The following ADGRB3 variants were observed in gnomAD, a reference collection of about 807,000 sequenced individuals.
ADGRB3 encodes adhesion G protein-coupled receptor B3, also known as brain-specific angiogenesis inhibitor 3.
A neutral mutation model predicts 193.4 loss-of-function variants in ADGRB3; 37 were observed. The ratio of observed to expected loss-of-function variants is 0.19; its 90% CI spans 0.15 to 0.25. ADGRB3 has a LOEUF of 0.25. Among genes scored for constraint, ADGRB3 ranks in the 10% least tolerant of loss-of-function variants. The pLI is 1.00. For synonymous variants in ADGRB3, 690 were observed against 644.2 expected, an observed-to-expected ratio of 1.07 and a Z score of -1.08; for missense variants, 1,637 against 1,852.9, an observed-to-expected ratio of 0.88 and a Z score of 2.14.
At position 69,239,129 on chromosome 6, in the gene ADGRB3, T is replaced by C; in HGVS notation, c.2717T>C (p.Ile906Thr). Residue 906 changes from isoleucine to threonine, a missense_variant, in exon 20 of 32, where the codon ATA becomes ACA. Ile to Thr is a moderately conservative substitution (Grantham distance 89, BLOSUM62 -1). Around this residue, in one of 7 missense-constraint regions of ADGRB3, gnomAD observed 641 missense variants for 673.9 expected, o/e 0.95. Transcript: ENST00000370598. The stretch of plus-strand genomic sequence containing the variant: ...ACTTTTCTCTCTCTGGCTAGGTACA[T>C]ACGCTCTGAGAGATCCATAATACTA... Reference protein sequence around the residue: ...AVVYAALWRYIRSERSIILIN... With the variant: ...AVVYAALWRYTRSERSIILIN... 6.3e-7 allele frequency: 1 copy of C among 1,582,572 alleles called. No individual in the cohort carries two copies. Among genetic ancestry groups the C allele is most frequent in the Non-Finnish European group, 8.7e-7 (1 of 1,153,040 alleles).
intron 3 of ADGRB3, among the ~76,000 whole-genome samples, chr6:68,786,396 T>C (rs1328959719): frequency 6.6e-6 from 1 of 152,132 alleles, no homozygotes. Flanking sequence ...CCCAGCACCA[T>C]TTATTAAATA....
intron 3 of ADGRB3, among the ~76,000 whole-genome samples, chr6:68,648,725 C>A (rs561499209): frequency 1.6e-4 from 24 of 148,926 alleles, no homozygotes; most frequent in African/African-American, 4.7e-4. Flanking sequence ...GAGTAGTACA[C>A]AATATTCATT....
chr6:68,856,061 C>A (rs1284334690), intron 3 of ADGRB3, among the ~76,000 whole-genome samples: 2 of 152,158 alleles, frequency 1.3e-5, no homozygotes, highest in Admixed American at 1.3e-4. Context: ...CCTGCATAAG[C>A]TTTCTTCACC....
chr6:68,983,896 C>A (rs12529646), intron 10 of ADGRB3, among the ~76,000 whole-genome samples: 13,146 of 152,054 alleles, frequency 0.086, 711 homozygotes, highest in Non-Finnish European at 0.13. Flanking sequence ...AATACTGTGA[C>A]CTGAAAGATG....
chr6:69,008,789 A>G (rs971030800), intron 11 of ADGRB3, among the ~76,000 whole-genome samples: 8 of 152,126 alleles, frequency 5.3e-5, no homozygotes, highest in Non-Finnish European at 1.0e-4. Context: ...CAACTTCTCA[A>G]AAGTATGTAT....
At chr6:69,244,851 G>A (rs530818943) in intron 20 of ADGRB3, among the ~76,000 whole-genome samples, 2 of 152,002 alleles carry the variant, frequency 1.3e-5, no homozygotes, top group African/African-American at 4.8e-5. Context: ...AACCCAGAGA[G>A]TGGTATGTTT....
chr6:68,949,687 T>C (rs1233903930), intron 6 of ADGRB3, among the ~76,000 whole-genome samples: 2 of 152,212 alleles, frequency 1.3e-5, no homozygotes, highest in African/African-American at 2.4e-5. Context: ...ACCTGTTCTT[T>C]AATTGATATG....
At chr6:69,150,599 C>T (rs1774645623) in intron 17 of ADGRB3, among the ~76,000 whole-genome samples, 1 of 152,186 alleles carries the variant, frequency 6.6e-6, no homozygotes, top group South Asian at 2.1e-4. Flanking sequence ...TGGTGCTCTG[C>T]CCAATTGTGG....
At chr6:69,232,444 A>G in intron 17 of ADGRB3, 1 of 1,498,438 alleles carries the variant, frequency 6.7e-7, no homozygotes, top group South Asian at 1.3e-5. Context: ...CCAAAGAGAA[A>G]ATTGAACCAG....
intron 17 of ADGRB3, among the ~76,000 whole-genome samples, chr6:69,184,618 T>A (rs1317967279): frequency 1.3e-5 from 2 of 152,074 alleles, no homozygotes; most frequent in Non-Finnish European, 2.9e-5. Flanking sequence ...ATTGCCCTAC[T>A]GGAGAAATTG....
chr6:68,652,526 C>T (rs899950298), intron 3 of ADGRB3, among the ~76,000 whole-genome samples: 6 of 152,196 alleles, frequency 3.9e-5, no homozygotes, highest in African/African-American at 1.4e-4. Context: ...CCACCCTGGG[C>T]TCCCAAACAA....
At chr6:69,374,520 C>T (rs148410772) in intron 30 of ADGRB3, among the ~76,000 whole-genome samples, 81 of 152,174 alleles carry the variant, frequency 5.3e-4, no homozygotes, top group Non-Finnish European at 8.7e-4. Context: ...TTAAGGCTAA[C>T]ACACTCCCCA....
intron 17 of ADGRB3, among the ~76,000 whole-genome samples, chr6:69,097,469 A>G (rs1438356346): frequency 6.6e-6 from 1 of 152,184 alleles, no homozygotes; most frequent in East Asian, 1.9e-4. Flanking sequence ...CTGGGTACAA[A>G]TGCAATATAT....
At chr6:68,956,398 A>G (rs1334415185) in intron 7 of ADGRB3, among the ~76,000 whole-genome samples, 1 of 152,136 alleles carries the variant, frequency 6.6e-6, no homozygotes, top group Non-Finnish European at 1.5e-5. Context: ...TAATAAAGTA[A>G]TAAAATTCAG....
At chr6:69,102,177 C>CAAA (rs777752874) in intron 17 of ADGRB3, among the ~76,000 whole-genome samples, 6 of 91,058 alleles carry the variant, frequency 6.6e-5, no homozygotes, top group East Asian at 2.7e-4. Context: ...GACTCCGTCT[C>CAAA]AAAAAAAAAA....
At chr6:68,771,385 TAC>T (rs3040851) in intron 3 of ADGRB3, among the ~76,000 whole-genome samples, 2,446 of 148,054 alleles carry the variant, frequency 0.017, 33 homozygotes, top group Non-Finnish European at 0.021. Context: ...AGGGAATATA[TAC>T]ACACACACAC....
At position 69,062,998 on chromosome 6, in the gene ADGRB3, G is replaced by A. The variant is rs754848273; in HGVS notation, c.2398G>A (p.Asp800Asn). 56 of 1,611,990 alleles carry A rather than the reference G, an allele frequency of 3.5e-5. No homozygotes were observed. The highest frequency in any genetic ancestry group is 4.3e-5 in the Non-Finnish European group (51 of 1,178,738). ...AATAAGGCCTGAACCCAAAACAACC[G>A]ATTCGTTTCTGGAGATAGAACTAGC... ...VTIRPEPKTT[D>N]SFLEIELAHL... Residue 800 changes from aspartate (D) to asparagine (N), a missense_variant, in exon 16 of 32, where the codon GAT becomes AAT. Physicochemically the swap from Asp to Asn is conservative, Grantham distance 23 (BLOSUM62 1). This residue lies in a region of ADGRB3 where 641 missense variants were observed against 673.9 expected (regional missense o/e 0.95). Coordinates refer to ENST00000370598, the MANE Select transcript of ADGRB3 (RefSeq NM_001704.3).
chr6:69,061,809 G>A (rs71555401), intron 15 of ADGRB3, among the ~76,000 whole-genome samples: 17,224 of 62,870 alleles, frequency 0.27, 1,179 homozygotes, highest in East Asian at 0.49. Flanking sequence ...TTGCCTGGGA[G>A]CATGGAAGGG....
At chr6:68,785,669 C>T (rs1285832971) in intron 3 of ADGRB3, among the ~76,000 whole-genome samples, 1 of 152,076 alleles carries the variant, frequency 6.6e-6, no homozygotes, top group African/African-American at 2.4e-5. Context: ...TGTGTATATA[C>T]ACAGTAATGG....
Sources: allele counts gnomAD v4.1 joint callset (sites outside exome capture counted in the v4.1 genomes callset), GRCh38; gene constraint gnomAD v4.1.1; regional missense constraint gnomAD v4.1.1; transcripts MANE v1.5; gene names NCBI Gene and HGNC (gene_info 2026-07-23, HGNC 2026-07-21).